Variants in ROBO1 observed in about 807,000 individuals in gnomAD.
ROBO1 encodes roundabout homolog 1.
Under a neutral mutation model 195.9 loss-of-function variants are expected in ROBO1, and 149 were observed. That is an observed-to-expected ratio of 0.76 (90% CI 0.67 to 0.87). The LOEUF is 0.87. Ranked by LOEUF, ROBO1 falls within the 40% of genes least tolerant of loss-of-function variation. ROBO1 has a pLI of 0.00. For synonymous variants in ROBO1, 816 were observed against 733.2 expected (o/e 1.11, Z -1.82); for missense variants, 1,933 against 2,068.3 (o/e 0.93, Z 1.27).
At chr3:79,159,930 C>A (rs914276960) in intron 2 of ROBO1, among the ~76,000 whole-genome samples, 12 of 152,102 alleles carry the variant, frequency 7.9e-5, no homozygotes, top group Admixed American at 7.2e-4. Flanking sequence ...GTACTTGAAT[C>A]TGAGTGCATG....
chr3:78,807,498 T>A (rs530186041), intron 4 of ROBO1, among the ~76,000 whole-genome samples: 1 of 152,294 alleles, frequency 6.6e-6, no homozygotes, highest in South Asian at 2.1e-4. Context: ...TTGCTGTGTT[T>A]CATTGAATCT....
chr3:79,046,427 G>A (rs181933031), intron 3 of ROBO1, among the ~76,000 whole-genome samples: 251 of 152,128 alleles, frequency 1.6e-3, no homozygotes, highest in Non-Finnish European at 3.0e-3. Flanking sequence ...AGATTTCGAA[G>A]TGATAGGAAA....
chr3:78,653,922 G>A (rs182754367), intron 18 of ROBO1, among the ~76,000 whole-genome samples: 7 of 152,334 alleles, frequency 4.6e-5, no homozygotes, highest in South Asian at 2.1e-4. Flanking sequence ...CCAAAGCCCC[G>A]TCAGGGCAGG....
At chr3:78,900,913 G>T (rs1407201609) in intron 4 of ROBO1, among the ~76,000 whole-genome samples, 1 of 152,062 alleles carries the variant, frequency 6.6e-6, no homozygotes, top group African/African-American at 2.4e-5. Flanking sequence ...TTACAAAAAA[G>T]AAGATAAAAT....
At chr3:79,597,801 G>A (rs1366394958) in intron 1 of ROBO1, among the ~76,000 whole-genome samples, 1 of 152,054 alleles carries the variant, frequency 6.6e-6, no homozygotes, top group African/African-American at 2.4e-5. Flanking sequence ...TGAATAGAAA[G>A]TATTGGAGTG....
Position 78,598,814 on chromosome 3 carries a change from G to C in ROBO1, c.*99C>G. On this transcript the variant is annotated 3_prime_UTR_variant, in exon 31 of 31. Transcript: ENST00000464233. ...ATAAAAACGACAATTTGTACACTCT[G>C]ATTGCACTGAACATTTTATCTGGCG... The C allele has an allele frequency of 1.4e-6, 1 of 718,230 alleles. No homozygotes were observed. Among genetic ancestry groups the C allele is most frequent in the Non-Finnish European group, 2.3e-6 (1 of 430,094 alleles). 44.5% of individuals were successfully genotyped at this position (718,230 alleles called of 1,614,324 possible).
At chr3:79,580,724 A>G (rs11926453) in intron 2 of ROBO1, among the ~76,000 whole-genome samples, 13,904 of 152,140 alleles carry the variant, frequency 0.091, 660 homozygotes, top group Middle Eastern at 0.16. Flanking sequence ...GTGACTATGT[A>G]TTTACGTAAG....
chr3:79,633,122 G>A (rs141185142), intron 1 of ROBO1, among the ~76,000 whole-genome samples: 22 of 150,594 alleles, frequency 1.5e-4, no homozygotes, highest in Admixed American at 2.0e-4. Flanking sequence ...AGAAAGTTTC[G>A]TATAGAAACA....
rs565365790 is a variant in ROBO1 at position 78,893,553 on chromosome 3, G to T, written c.499+45048C>A. 3.9e-5 allele frequency among the ~76,000 whole-genome samples: 6 copies of T among 152,150 alleles called. No homozygotes were observed. The East Asian group carries it at 1.2e-3, about 29-fold the overall frequency. Reference sequence around the variant, plus strand: ...TAGCAGCACAGACTAAGACATATTGGCTGTTTATTAATATTAATTCCATAT... The same window carrying T: ...TAGCAGCACAGACTAAGACATATTGTCTGTTTATTAATATTAATTCCATAT... On this transcript the variant is annotated intron_variant, in intron 4 of 30. Coordinates refer to ENST00000464233, the MANE Select transcript of ROBO1 (RefSeq NM_002941.4).
chr3:79,332,793 C>G (rs2034499999), intron 2 of ROBO1, among the ~76,000 whole-genome samples: 1 of 152,146 alleles, frequency 6.6e-6, no homozygotes, highest in Admixed American at 6.6e-5. Flanking sequence ...TTTTAAGTAT[C>G]CATCATTTCT....
At chr3:78,893,829 G>A (rs1380478461) in intron 4 of ROBO1, among the ~76,000 whole-genome samples, 4 of 151,998 alleles carry the variant, frequency 2.6e-5, no homozygotes. Flanking sequence ...CTAGGATCTG[G>A]TACTAGAAAC....
intron 2 of ROBO1, among the ~76,000 whole-genome samples, chr3:79,264,589 T>C (rs923130174): frequency 2.0e-5 from 3 of 152,090 alleles, no homozygotes; most frequent in African/African-American, 7.2e-5. Flanking sequence ...TCATGCTTGT[T>C]AAGTATAAAA....
At chr3:78,930,122 G>A (rs2039430552) in intron 4 of ROBO1, among the ~76,000 whole-genome samples, 1 of 152,150 alleles carries the variant, frequency 6.6e-6, no homozygotes, top group Non-Finnish European at 1.5e-5. Context: ...TCAAAGTAGT[G>A]TTTGAGAGCA....
At chr3:78,659,084 AT>A (rs199882001) in intron 17 of ROBO1, among the ~76,000 whole-genome samples, 3,127 of 152,104 alleles carry the variant, frequency 0.021, 97 homozygotes, top group African/African-American at 0.069. Context: ...ATAACATTCT[AT>A]TTTTCTAGAC....
intron 3 of ROBO1, among the ~76,000 whole-genome samples, chr3:79,008,504 C>T (rs1010923249): frequency 4.0e-5 from 6 of 151,498 alleles, no homozygotes; most frequent in Admixed American, 6.6e-5. Context: ...TTATGCAGCA[C>T]GTACGTGTGT....
chr3:78,743,938 G>A (rs1429807646), intron 5 of ROBO1, among the ~76,000 whole-genome samples: 3 of 152,144 alleles, frequency 2.0e-5, no homozygotes, highest in Admixed American at 1.3e-4. Flanking sequence ...CCAGAAGGAC[G>A]GGAGAACTGC....
At chr3:79,077,478 T>C (rs2079194253) in intron 3 of ROBO1, among the ~76,000 whole-genome samples, 1 of 151,920 alleles carries the variant, frequency 6.6e-6, no homozygotes, top group East Asian at 1.9e-4. Context: ...TGTGTATATA[T>C]ACATATCATT....
chr3:79,170,621 G>T (rs902743326), intron 2 of ROBO1, among the ~76,000 whole-genome samples: 1 of 151,954 alleles, frequency 6.6e-6, no homozygotes, highest in Non-Finnish European at 1.5e-5. Context: ...TTGTAAATTT[G>T]CTGTAAATCT....
intron 1 of ROBO1, among the ~76,000 whole-genome samples, chr3:79,659,917 A>T (rs1275874640): frequency 6.6e-6 from 1 of 152,106 alleles, no homozygotes; most frequent in Non-Finnish European, 1.5e-5. Flanking sequence ...GCTGCCAAAG[A>T]CACAACATGA....
Sources: gnomAD v4.1 joint callset for allele counts (sites outside exome capture counted in the v4.1 genomes callset) on GRCh38, gnomAD v4.1.1 for gene constraint, MANE v1.5 for transcripts, NCBI Gene and HGNC (gene_info 2026-07-23, HGNC 2026-07-21) for gene names.